Variants in SLC2A12 observed in about 807,000 individuals in gnomAD.
SLC2A12 encodes the protein solute carrier family 2 member 12.
A neutral mutation model predicts 41.8 loss-of-function variants in SLC2A12; 23 were observed. That is an observed-to-expected ratio of 0.55 (90% CI 0.40 to 0.78). The LOEUF (loss-of-function observed/expected upper bound fraction) is 0.78, where lower values mean the gene tolerates loss of function less well. Among genes scored for constraint, SLC2A12 ranks in the 30% least tolerant of loss-of-function variants. SLC2A12 has a pLI of 0.00. For missense variants in SLC2A12, 654 were observed against 745.6 expected (o/e 0.88, Z 1.43); for synonymous variants, 295 against 285.9 (o/e 1.03, Z -0.32).
intron 1 of SLC2A12, among the ~76,000 whole-genome samples, chr6:134,030,314 G>A (rs1275461660): frequency 1.3e-5 from 2 of 152,152 alleles, no homozygotes; most frequent in Non-Finnish European, 2.9e-5. Flanking sequence ...GGTGGAGGTG[G>A]GAGTGGGCAG....
intron 2 of SLC2A12, among the ~76,000 whole-genome samples, chr6:134,013,615 GATTA>G (rs1207972629): frequency 6.6e-6 from 1 of 152,040 alleles, no homozygotes; most frequent in African/African-American, 2.4e-5. Flanking sequence ...TTGTTCTCAA[GATTA>G]ATTAAAATAT....
At chr6:134,051,721 C>T (rs1255715147) in intron 1 of SLC2A12, among the ~76,000 whole-genome samples, 1 of 152,166 alleles carries the variant, frequency 6.6e-6, no homozygotes, top group Non-Finnish European at 1.5e-5. Context: ...TTCAGAAGGT[C>T]ATCATAGCAA....
intron 4 of SLC2A12, among the ~76,000 whole-genome samples, chr6:133,999,565 T>C (rs1776731644): frequency 6.6e-6 from 1 of 152,176 alleles, no homozygotes. Flanking sequence ...AAAGTTGCCC[T>C]GAGTTTGACA....
At chr6:134,000,121 C>A (rs1174379274) in intron 4 of SLC2A12, among the ~76,000 whole-genome samples, 5 of 152,120 alleles carry the variant, frequency 3.3e-5, no homozygotes, top group Non-Finnish European at 5.9e-5. Context: ...ATATAGCCAG[C>A]CTTCCTCACA....
chr6:134,025,770 C>A (rs1777104826), intron 2 of SLC2A12, among the ~76,000 whole-genome samples: 1 of 152,156 alleles, frequency 6.6e-6, no homozygotes, highest in Non-Finnish European at 1.5e-5. Flanking sequence ...TGGTCTTGAA[C>A]TCCTAACTTC....
At chr6:134,031,988 G>A (rs747469203) in intron 1 of SLC2A12, among the ~76,000 whole-genome samples, 4 of 152,158 alleles carry the variant, frequency 2.6e-5, no homozygotes, top group African/African-American at 9.7e-5. Flanking sequence ...TCAGAACTGA[G>A]GTGTAAGTCA....
intron 1 of SLC2A12, among the ~76,000 whole-genome samples, chr6:134,051,058 G>A (rs1359767331): frequency 1.3e-5 from 2 of 152,112 alleles, no homozygotes; most frequent in African/African-American, 2.4e-5. Flanking sequence ...GAGATTACAG[G>A]CATGTGCCAC....
chr6:134,003,776 T>C (rs1776779683), intron 3 of SLC2A12, among the ~76,000 whole-genome samples: 1 of 152,194 alleles, frequency 6.6e-6, no homozygotes, highest in African/African-American at 2.4e-5. Context: ...CGAGATGTTT[T>C]ACTCAGAGCT....
intron 2 of SLC2A12, among the ~76,000 whole-genome samples, chr6:134,016,463 G>A (rs777888710): frequency 6.6e-6 from 1 of 152,042 alleles, no homozygotes; most frequent in Non-Finnish European, 1.5e-5. Flanking sequence ...GGGGCTAGGA[G>A]AACCTGGGCA....
rs59102121 is a variant in SLC2A12, at chr6:133,987,648, G to GTATATATATATA, written c.*3495_*3506dup. On this transcript the variant is annotated 3_prime_UTR_variant, in exon 5 of 5. Coordinates refer to ENST00000275230, the MANE Select transcript of SLC2A12 (RefSeq NM_145176.3). ...TTTGTGTGTGTGTGTGTGTGTGTGTGTATATATATATATATATATGCACCA... is the reference window on the plus strand; with the variant it reads ...TTTGTGTGTGTGTGTGTGTGTGTGTGTATATATATATATATATATATATATATATATGCACCA... 35 of 88,396 alleles carry GTATATATATATA rather than the reference G, an allele frequency of 4.0e-4. No homozygotes were observed. The highest frequency in any genetic ancestry group is 1.2e-3 in the African/African-American group (32 of 27,578). 5.5% of individuals were successfully genotyped at this position (88,396 alleles called of 1,614,324 possible).
intron 2 of SLC2A12, among the ~76,000 whole-genome samples, chr6:134,022,533 A>AAAAAAAAG (rs1554207261): frequency 1.4e-5 from 2 of 142,144 alleles, no homozygotes; most frequent in East Asian, 2.1e-4. Context: ...CTCCATCTCA[A>AAAAAAAAG]AAAAGAAAAG....
intron 1 of SLC2A12, among the ~76,000 whole-genome samples, chr6:134,043,088 A>G (rs946426031): frequency 2.0e-5 from 3 of 152,212 alleles, no homozygotes; most frequent in Admixed American, 1.3e-4. Context: ...CTAATATTCA[A>G]TTGCACTACA....
chr6:133,993,234 G>T (rs749219272), intron 4 of SLC2A12, among the ~76,000 whole-genome samples: 3 of 152,098 alleles, frequency 2.0e-5, no homozygotes, highest in Non-Finnish European at 2.9e-5. Flanking sequence ...ATAAGCTGAT[G>T]GCCACCCACA....
chr6:134,045,676 T>C (rs1036291817), intron 1 of SLC2A12, among the ~76,000 whole-genome samples: 4 of 152,212 alleles, frequency 2.6e-5, no homozygotes, highest in African/African-American at 9.6e-5. Flanking sequence ...ATCTGTGAAC[T>C]GGGGTGCCTC....
At position 133,987,957 on chromosome 6, in the gene SLC2A12, T is replaced by C. The variant is rs1776562193; in HGVS notation, c.*3198A>G. On this transcript the variant is annotated 3_prime_UTR_variant, in exon 5 of 5. Transcript: ENST00000275230. Reference sequence around the variant, plus strand: ...TGCCTCATTTGGACCTTTGTTTTTCTGGAAAGACTCAACACCTGTAGTTGT... The same window carrying C: ...TGCCTCATTTGGACCTTTGTTTTTCCGGAAAGACTCAACACCTGTAGTTGT... 6.6e-6 allele frequency: 1 copy of C among 152,196 alleles called. No homozygotes were observed. Among genetic ancestry groups the C allele is most frequent in the Admixed American group, 6.6e-5 (1 of 15,258 alleles). 9.4% of individuals were successfully genotyped at this position (152,196 alleles called of 1,614,324 possible).
intron 1 of SLC2A12, among the ~76,000 whole-genome samples, chr6:134,047,224 A>G (rs1047303461): frequency 2.6e-5 from 4 of 152,190 alleles, no homozygotes; most frequent in Non-Finnish European, 5.9e-5. Flanking sequence ...ATGAGAAAAA[A>G]TACTGAATGA....
intron 2 of SLC2A12, among the ~76,000 whole-genome samples, chr6:134,015,765 CA>C (rs1776952431): frequency 6.6e-6 from 1 of 152,148 alleles, no homozygotes; most frequent in Non-Finnish European, 1.5e-5. Context: ...GGTAAACTTC[CA>C]AATTAGAACC....
rs17484110 is a variant in SLC2A12, at chr6:134,003,000, A to C, written c.1568-871T>G. On this transcript the variant is annotated intron_variant, in intron 3 of 4. Coordinates refer to ENST00000275230, the MANE Select transcript of SLC2A12 (RefSeq NM_145176.3). The stretch of plus-strand genomic sequence containing the variant: ...TTGTGGCGGCCCCTGACTCAGCAGC[A>C]GAATGTCTAGTGTGGCAAGGAGTAG... 7.1e-3 allele frequency among the ~76,000 whole-genome samples: 1,074 copies of C among 152,332 alleles called. 18 individuals are homozygous for C. Among genetic ancestry groups the C allele is most frequent in the African/African-American group, 0.024 (994 of 41,578 alleles).
chr6:134,013,234 T>C (rs1444898132), intron 2 of SLC2A12, among the ~76,000 whole-genome samples: 1 of 151,866 alleles, frequency 6.6e-6, no homozygotes, highest in Non-Finnish European at 1.5e-5. Context: ...GAGGTGGAGG[T>C]GGAGGTTGCA....
Sources: allele counts gnomAD v4.1 joint callset (sites outside exome capture counted in the v4.1 genomes callset), GRCh38; gene constraint gnomAD v4.1.1; transcripts MANE v1.5; gene names NCBI Gene and HGNC (gene_info 2026-07-23, HGNC 2026-07-21).